The following FBXW7 variants were observed in gnomAD, a reference collection of about 807,000 sequenced individuals.
FBXW7 encodes F-box/WD repeat-containing protein 7.
In FBXW7, 11 loss-of-function variants were observed where a neutral mutation model predicts 86.3. The ratio of observed to expected loss-of-function variants is 0.13; its 90% CI spans 0.08 to 0.21. The LOEUF is 0.21. FBXW7 is among the 10% of genes least tolerant of loss of function. FBXW7 has a pLI of 1.00. For synonymous variants in FBXW7, 313 were observed against 297.9 expected (o/e 1.05, Z -0.52); for missense variants, 488 against 847.4 (o/e 0.58, Z 5.27).
intron 4 of FBXW7, among the ~76,000 whole-genome samples, chr4:152,388,674 C>A (rs1247706684): frequency 6.6e-6 from 1 of 152,114 alleles, no homozygotes; most frequent in Non-Finnish European, 1.5e-5. Flanking sequence ...GATTCAGGAA[C>A]CTTAACTATT....
intron 2 of FBXW7, among the ~76,000 whole-genome samples, chr4:152,460,478 A>G (rs1444757160): frequency 6.6e-6 from 1 of 152,202 alleles, no homozygotes; most frequent in Admixed American, 6.5e-5. Context: ...TTCCCTTGAA[A>G]TTGATTCCTT....
intron 2 of FBXW7, among the ~76,000 whole-genome samples, chr4:152,469,953 T>C (rs1030601531): frequency 2.0e-5 from 3 of 152,084 alleles, no homozygotes; most frequent in South Asian, 2.1e-4. Context: ...AATATTTAGA[T>C]AGCCTTTTTA....
chr4:152,487,647 T>C (rs2149679750), intron 2 of FBXW7, among the ~76,000 whole-genome samples: 1 of 152,226 alleles, frequency 6.6e-6, no homozygotes, highest in African/African-American at 2.4e-5. Flanking sequence ...TTCAATTATA[T>C]TTTTAATTTA....
chr4:152,402,604 T>C (rs1313467901), intron 4 of FBXW7, among the ~76,000 whole-genome samples: 1 of 152,222 alleles, frequency 6.6e-6, no homozygotes, highest in African/African-American at 2.4e-5. Flanking sequence ...CTCCACTATT[T>C]ACCAGCTGAC....
At chr4:152,476,899 C>T (rs1455059419) in intron 2 of FBXW7, among the ~76,000 whole-genome samples, 4 of 151,068 alleles carry the variant, frequency 2.6e-5, no homozygotes, top group African/African-American at 9.9e-5. Context: ...TGCTCCAAAG[C>T]AAAGAAAGGC....
intron 2 of FBXW7, among the ~76,000 whole-genome samples, chr4:152,491,055 G>A (rs1745799594): frequency 6.6e-6 from 1 of 152,096 alleles, no homozygotes; most frequent in Non-Finnish European, 1.5e-5. Flanking sequence ...TAAGGAAGAA[G>A]CATAATAAAG....
chr4:152,327,631 A>T (rs1436202159), intron 11 of FBXW7, among the ~76,000 whole-genome samples: 1 of 152,042 alleles, frequency 6.6e-6, no homozygotes, highest in Non-Finnish European at 1.5e-5. Flanking sequence ...AGTCAACAGT[A>T]GGCTCAAAAA....
chr4:152,370,686 T>C lies in FBXW7; in HGVS notation c.502-20562A>G, dbSNP rs12503984. On this transcript the variant is annotated intron_variant, in intron 4 of 13. Transcript: ENST00000281708. ...TCTCTCTCTCAAAGAAAAACAAATA[T>C]GCAAATAATGCCAATGTAGTAAGAT... Among the ~76,000 whole-genome samples, 987 of 152,078 alleles carry C rather than the reference T, an allele frequency of 6.5e-3. 26 individuals are homozygous for C. The highest frequency in any genetic ancestry group is 0.055 in the Admixed American group (841 of 15,206).
intron 7 of FBXW7, among the ~76,000 whole-genome samples, chr4:152,336,769 G>A (rs903163676): frequency 1.3e-5 from 2 of 151,934 alleles, no homozygotes; most frequent in Admixed American, 1.3e-4. Context: ...CTTTTCTCTG[G>A]AGTTATGCTT....
At chr4:152,324,953 T>C (rs988416981) in intron 12 of FBXW7, 2 of 152,734 alleles carry the variant, frequency 1.3e-5, no homozygotes, top group African/African-American at 4.8e-5. Context: ...TAATTGTATC[T>C]GGAATCAGAA....
intron 4 of FBXW7, among the ~76,000 whole-genome samples, chr4:152,401,910 C>G (rs757030763): frequency 3.9e-5 from 6 of 152,204 alleles, no homozygotes; most frequent in Middle Eastern, 3.4e-3. Flanking sequence ...TCGCAGACCT[C>G]AAGGATCAAT....
chr4:152,481,785 T>C (rs751422189), intron 2 of FBXW7, among the ~76,000 whole-genome samples: 7 of 152,190 alleles, frequency 4.6e-5, no homozygotes, highest in Admixed American at 1.3e-4. Context: ...GATAACATGA[T>C]TGAATTGCTG....
intron 2 of FBXW7, among the ~76,000 whole-genome samples, chr4:152,429,524 C>T (rs1013707499): frequency 2.6e-5 from 4 of 152,046 alleles, no homozygotes; most frequent in South Asian, 2.1e-4. Context: ...AATGGCATCA[C>T]GTCACTGTCA....
chr4:152,494,869 T>C (rs1746178562), intron 2 of FBXW7, among the ~76,000 whole-genome samples: 1 of 152,182 alleles, frequency 6.6e-6, no homozygotes, highest in Admixed American at 6.5e-5. Flanking sequence ...ATCTATAAGA[T>C]AGGAGATGAT....
chr4:152,441,001 C>T (rs577526778), intron 2 of FBXW7, among the ~76,000 whole-genome samples: 6 of 151,732 alleles, frequency 4.0e-5, no homozygotes, highest in South Asian at 4.2e-4. Context: ...AAGATGGAAG[C>T]GGCAATATAT....
At chr4:152,379,328 C>T (rs186808306) in intron 4 of FBXW7, among the ~76,000 whole-genome samples, 1 of 152,122 alleles carries the variant, frequency 6.6e-6, no homozygotes, top group Non-Finnish European at 1.5e-5. Context: ...AATTTATCTT[C>T]CCTTAAAAGA....
intron 6 of FBXW7, among the ~76,000 whole-genome samples, chr4:152,343,106 T>C (rs1036353200): frequency 6.6e-6 from 1 of 152,182 alleles, no homozygotes; most frequent in South Asian, 2.1e-4. Flanking sequence ...GGAGAAGTTT[T>C]TTCTCCATTT....
At position 152,322,270 on chromosome 4, in the gene FBXW7, T is replaced by C. The variant is rs1050102416; in HGVS notation, c.*611A>G. On this transcript the variant is annotated 3_prime_UTR_variant, in exon 14 of 14. Transcript: ENST00000281708. ...TGAAGAATGTATATGGAAGCAACAG[T>C]AAATAGATTAACAGAGGCTAATACT... 2 of 209,002 alleles carry C rather than the reference T, an allele frequency of 9.6e-6. No homozygotes were observed. The highest frequency in any genetic ancestry group is 1.3e-4 in the East Asian group (2 of 15,664). The allele number at this position is 209,002 out of a possible 1,614,324, so 12.9% of individuals were successfully genotyped here.
At chr4:152,514,861 C>T (rs1248769127) in intron 2 of FBXW7, among the ~76,000 whole-genome samples, 1 of 152,162 alleles carries the variant, frequency 6.6e-6, no homozygotes, top group Non-Finnish European at 1.5e-5. Flanking sequence ...CGGGTATTTA[C>T]AGCAACACAA....
Sources: allele counts gnomAD v4.1 joint callset (sites outside exome capture counted in the v4.1 genomes callset), GRCh38; gene constraint gnomAD v4.1.1; transcripts MANE v1.5; gene names NCBI Gene and HGNC (gene_info 2026-07-23, HGNC 2026-07-21).